Variants in FCER1A observed in about 807,000 individuals in gnomAD.
The protein encoded by FCER1A is Fc epsilon receptor Ia.
In FCER1A, 24 loss-of-function variants were observed where a neutral mutation model predicts 23.6. That is an observed-to-expected ratio of 1.02 (90% CI 0.74 to 1.43). FCER1A has a LOEUF of 1.43. Among genes scored for constraint, FCER1A ranks in the 40% most tolerant of loss-of-function variants. The pLI is 0.00. For missense variants in FCER1A, 318 were observed against 294.5 expected (o/e 1.08, Z -0.58); for synonymous variants, 121 against 108.8 (o/e 1.11, Z -0.70).
At chr1:159,287,621 T>C (rs796276667), upstream of FCER1A, among the ~76,000 whole-genome samples, 1 of 150,988 alleles carries the variant, frequency 6.6e-6, no homozygotes, top group Non-Finnish European at 1.5e-5. Context: ...TATGCATATA[T>C]AAATATGTAC....
At position 159,302,892 on chromosome 1, in the gene FCER1A, G is replaced by A; in HGVS notation, c.76+18G>A. 1.2e-6 allele frequency: 2 copies of A among 1,612,442 alleles called. No homozygotes were observed. The highest frequency in any genetic ancestry group is 4.5e-5 in the East Asian group (2 of 44,862). On this transcript the variant is annotated intron_variant, in intron 2 of 4. Transcript: ENST00000693622. ...GTTAGCAGGTGAGTCCTCTGTTCTT[G>A]TTCCCTTGGTGTTTCAACATGTCTG... is the stretch of plus-strand genomic sequence containing the variant.
chr1:159,287,585 A>G (rs1332394429), upstream of FCER1A, among the ~76,000 whole-genome samples: 5 of 151,834 alleles, frequency 3.3e-5, no homozygotes, highest in South Asian at 2.1e-4. Flanking sequence ...GTCCAGCACC[A>G]GCATTCTCTA....
intron 1 of FCER1A, 138 bp downstream of exon 1, chr1:159,302,557 G>A (rs895224973): frequency 1.3e-6 from 1 of 745,056 alleles, no homozygotes; most frequent in South Asian, 1.5e-5. Flanking sequence ...GGACTCTGTA[G>A]TGGAGCCAAG....
At chr1:159,293,739 C>T (rs1393099888) in intron 1 of FCER1A, among the ~76,000 whole-genome samples, 1 of 151,964 alleles carries the variant, frequency 6.6e-6, no homozygotes, top group African/African-American at 2.4e-5. Flanking sequence ...CTTTTTATGG[C>T]TGCATAGTAT....
intron 1 of FCER1A, among the ~76,000 whole-genome samples, chr1:159,293,296 T>C (rs1571076071): frequency 1.3e-5 from 2 of 152,076 alleles, no homozygotes; most frequent in East Asian, 3.9e-4. Flanking sequence ...GCCCTCATGA[T>C]CTGGCCCCTA....
chr1:159,303,068 C>A (rs530884421), intron 2 of FCER1A, among the ~76,000 whole-genome samples, 194 bp downstream of exon 2: 1 of 152,100 alleles, frequency 6.6e-6, no homozygotes, highest in South Asian at 2.1e-4. Context: ...AAGTCATTCT[C>A]TCCTCTGTTT....
chr1:159,299,895 C>T (rs1652387854), upstream of FCER1A, among the ~76,000 whole-genome samples: 1 of 143,776 alleles, frequency 7.0e-6, no homozygotes, highest in Non-Finnish European at 1.5e-5. Flanking sequence ...TTGTTCTGTT[C>T]TTTTGGGTAC....
At position 159,306,141 on chromosome 1, in the gene FCER1A, C is replaced by A. The variant is rs760648084; in HGVS notation, c.485C>A (p.Ser162Tyr). The change falls in exon 4 of 5, where the codon TCC (serine) becomes TAC (tyrosine). Residue 162 changes from serine to tyrosine, a missense_variant. Coordinates refer to ENST00000693622, the MANE Select transcript of FCER1A (RefSeq NM_001387280.1). Reference sequence around the variant, plus strand: ...TACTGGTATGAGAACCACAACATCTCCATTACAAATGCCACAGTTGAAGAC... The same window carrying A: ...TACTGGTATGAGAACCACAACATCTACATTACAAATGCCACAGTTGAAGAC... ...LKYWYENHNISITNATVEDSG... is the reference protein window; with the variant it reads ...LKYWYENHNIYITNATVEDSG... 2 of 1,614,116 alleles carry A rather than the reference C, an allele frequency of 1.2e-6. No individual in the cohort carries two copies. The highest frequency in any genetic ancestry group is 2.2e-5 in the East Asian group (1 of 44,864).
intron 1 of FCER1A, among the ~76,000 whole-genome samples, chr1:159,294,636 T>C (rs2102219730): frequency 6.6e-6 from 1 of 152,300 alleles, no homozygotes; most frequent in East Asian, 1.9e-4. Context: ...CTGCTTATTA[T>C]CTCTCTTGTA....
chr1:159,302,542 C>T, intron 1 of FCER1A, 123 bp downstream of exon 1: 1 of 793,924 alleles, frequency 1.3e-6, no homozygotes, highest in Non-Finnish European at 2.2e-6. Flanking sequence ...TTGGGCATTT[C>T]CCAGGGACTC....
At chr1:159,294,282 C>T (rs563084531) in intron 1 of FCER1A, among the ~76,000 whole-genome samples, 132 of 152,208 alleles carry the variant, frequency 8.7e-4, no homozygotes, top group African/African-American at 2.9e-3. Flanking sequence ...ATGTTTATTG[C>T]GGCACTATTC....
rs573541014 is a variant in FCER1A at position 159,303,716 on chromosome 1, C to T, written c.77-212C>T. Among the ~76,000 whole-genome samples, 3 of 152,280 alleles carry T rather than the reference C, an allele frequency of 2.0e-5. No homozygotes were observed. The South Asian group carries it at 6.2e-4, about 32-fold the overall frequency. On this transcript the variant is annotated intron_variant, in intron 2 of 4. Transcript: ENST00000693622. Reference sequence around the variant, plus strand: ...TTTTTAAATCTCCTGCATATGTGTCCTGTCTTTCTCCCTGTGTTGGGCGTT... The same window carrying T: ...TTTTTAAATCTCCTGCATATGTGTCTTGTCTTTCTCCCTGTGTTGGGCGTT...
chr1:159,300,702 T>A (rs1266585656), upstream of FCER1A, among the ~76,000 whole-genome samples: 1 of 152,206 alleles, frequency 6.6e-6, no homozygotes, highest in Non-Finnish European at 1.5e-5. Context: ...AAGTCTTTAA[T>A]AAATAATGAT....
chr1:159,303,058 A>T (rs1652485966), intron 2 of FCER1A, among the ~76,000 whole-genome samples, 184 bp downstream of exon 2: 1 of 151,882 alleles, frequency 6.6e-6, no homozygotes, highest in South Asian at 2.1e-4. Flanking sequence ...GCATTCTCTC[A>T]AGTCATTCTC....
At chr1:159,300,601 T>C (rs540812886), upstream of FCER1A, among the ~76,000 whole-genome samples, 1 of 152,314 alleles carries the variant, frequency 6.6e-6, no homozygotes, top group South Asian at 2.1e-4. Flanking sequence ...CGTAGATATA[T>C]TAAACTAGCA....
At chr1:159,297,484 T>C (rs1652321883), upstream of FCER1A, among the ~76,000 whole-genome samples, 1 of 152,196 alleles carries the variant, frequency 6.6e-6, no homozygotes, top group African/African-American at 2.4e-5. Context: ...AAAACTAGTA[T>C]ATGTTCTGTT....
intron 4 of FCER1A, among the ~76,000 whole-genome samples, chr1:159,307,435 T>C (rs1382468956): frequency 6.6e-6 from 1 of 152,160 alleles, no homozygotes. Flanking sequence ...ACCCCTTAAT[T>C]ATATGTGAAT....
At chr1:159,303,672 T>C (rs1652505770) in intron 2 of FCER1A, among the ~76,000 whole-genome samples, 1 of 152,182 alleles carries the variant, frequency 6.6e-6, no homozygotes, top group Non-Finnish European at 1.5e-5. Flanking sequence ...TCAAATCACA[T>C]AGTGAATTGG....
At chr1:159,287,292 C>T (rs1003264411), upstream of FCER1A, among the ~76,000 whole-genome samples, 1 of 152,204 alleles carries the variant, frequency 6.6e-6, no homozygotes, top group Admixed American at 6.5e-5. Flanking sequence ...CTTCCTTTTA[C>T]TCATTGACTT....
Sources: gnomAD v4.1 joint callset for allele counts (sites outside exome capture counted in the v4.1 genomes callset) on GRCh38, gnomAD v4.1.1 for gene constraint, MANE v1.5 for transcripts, NCBI Gene and HGNC (gene_info 2026-07-23, HGNC 2026-07-21) for gene names.